Variants in SPAG16 observed in about 807,000 individuals in gnomAD.
SPAG16 encodes the protein sperm-associated antigen 16 protein.
A neutral mutation model predicts 80.4 loss-of-function variants in SPAG16; 86 were observed. That is an observed-to-expected ratio of 1.07 (90% CI 0.90 to 1.28). SPAG16 has a LOEUF of 1.28. Among genes scored for constraint, SPAG16 ranks in the 50% most tolerant of loss-of-function variants. The pLI is 0.00. For missense variants in SPAG16, 870 were observed against 765.3 expected (o/e 1.14, Z -1.61); for synonymous variants, 294 against 265.9 (o/e 1.11, Z -1.03).
chr2:214,156,446 T>G (rs1326501193), intron 15 of SPAG16, among the ~76,000 whole-genome samples: 1 of 152,164 alleles, frequency 6.6e-6, no homozygotes, highest in African/African-American at 2.4e-5. Flanking sequence ...AGGCCTGGTC[T>G]GCTTAAAAAT....
intron 10 of SPAG16, among the ~76,000 whole-genome samples, chr2:213,492,442 C>T (rs974204904): frequency 5.9e-5 from 9 of 151,592 alleles, no homozygotes; most frequent in Non-Finnish European, 8.8e-5. Context: ...CCCAGCTACT[C>T]GGGAGGCTGA....
intron 12 of SPAG16, among the ~76,000 whole-genome samples, chr2:213,980,725 T>TATATATATATATATATATAGAGAG (rs374274176): frequency 1.5e-4 from 16 of 103,988 alleles, no homozygotes; most frequent in African/African-American, 2.0e-4. Context: ...TATATATATA[T>TATATATATATATATATATAGAGAG]AGAGAGAGAG....
Position 213,783,321 on chromosome 2 carries a change from A to T in SPAG16, c.1071-79164A>T, listed in dbSNP as rs908336702. ...ACCCTAAAACTTAGAGTATAATAAA[A>T]AAAAAAAAAAAAATCTTAATGACTT... is the stretch of plus-strand genomic sequence containing the variant. On this transcript the variant is annotated intron_variant, in intron 10 of 15. Coordinates refer to ENST00000331683, the MANE Select transcript of SPAG16 (RefSeq NM_024532.5). 3.5e-4 allele frequency among the ~76,000 whole-genome samples: 45 copies of T among 127,122 alleles called. 1 individual carries two copies. Among genetic ancestry groups the T allele is most frequent in the African/African-American group, 9.3e-4 (25 of 27,016 alleles). The allele number at this position is 127,122 out of a possible 152,430, so 83.4% of individuals were successfully genotyped here. A position where few individuals can be genotyped will look rare whatever the true frequency, so the allele number is the denominator to read the frequency against.
chr2:213,955,143 C>T (rs80322943), intron 12 of SPAG16, among the ~76,000 whole-genome samples: 24,638 of 151,926 alleles, frequency 0.16, 2,260 homozygotes, highest in Non-Finnish European at 0.21. Flanking sequence ...GCACAAATGC[C>T]TTTAATTTTG....
At chr2:213,595,910 T>TTCA (rs2124946742) in intron 10 of SPAG16, among the ~76,000 whole-genome samples, 1 of 152,212 alleles carries the variant, frequency 6.6e-6, no homozygotes, top group Admixed American at 6.5e-5. Flanking sequence ...TAAAATGTAC[T>TTCA]TTGATCACCA....
chr2:213,508,295 G>A (rs1217074611), intron 10 of SPAG16, among the ~76,000 whole-genome samples: 2 of 152,212 alleles, frequency 1.3e-5, no homozygotes, highest in Non-Finnish European at 2.9e-5. Context: ...GAGTTCGGCT[G>A]GGCGCGGTGG....
At chr2:214,126,675 ACT>A (rs2054513292) in intron 14 of SPAG16, among the ~76,000 whole-genome samples, 1 of 151,814 alleles carries the variant, frequency 6.6e-6, no homozygotes, top group African/African-American at 2.4e-5. Flanking sequence ...ACTTTAAAAG[ACT>A]CTTGCCAAAT....
chr2:213,982,208 A>G, intron 12 of SPAG16, among the ~76,000 whole-genome samples: 1 of 152,078 alleles, frequency 6.6e-6, no homozygotes. Context: ...AAATTATTTT[A>G]CAACAGTAAT....
chr2:213,818,569 T>C (rs1337960080), intron 10 of SPAG16, among the ~76,000 whole-genome samples: 3 of 152,236 alleles, frequency 2.0e-5, no homozygotes, highest in Non-Finnish European at 2.9e-5. Flanking sequence ...ACTCATCTAT[T>C]GTTGGTTCAT....
chr2:213,973,096 T>C (rs2045168494), intron 12 of SPAG16, among the ~76,000 whole-genome samples: 1 of 152,234 alleles, frequency 6.6e-6, no homozygotes, highest in Admixed American at 6.5e-5. Flanking sequence ...CTTTACTTCC[T>C]ACTTGTGCTG....
chr2:214,087,601 G>A (rs12185594), intron 13 of SPAG16, among the ~76,000 whole-genome samples: 54,396 of 151,850 alleles, frequency 0.36, 10,352 homozygotes, highest in Non-Finnish European at 0.42. Flanking sequence ...ATGTATGTTG[G>A]GAATTATAGG....
chr2:214,273,397 T>TTTTC (rs1340166000), intron 15 of SPAG16, among the ~76,000 whole-genome samples: 1 of 152,118 alleles, frequency 6.6e-6, no homozygotes, highest in African/African-American at 2.4e-5. Flanking sequence ...ATTGCCTAGG[T>TTTTC]TTTCTTCTAG....
intron 11 of SPAG16, among the ~76,000 whole-genome samples, chr2:213,912,889 AC>A (rs1277198462): frequency 1.7e-4 from 26 of 152,174 alleles, no homozygotes; most frequent in Non-Finnish European, 5.9e-5. Context: ...TCATTTGTTC[AC>A]AATAGACTTC....
intron 14 of SPAG16, among the ~76,000 whole-genome samples, chr2:214,120,279 T>C (rs942691008): frequency 1.3e-5 from 2 of 151,880 alleles, no homozygotes; most frequent in Non-Finnish European, 2.9e-5. Flanking sequence ...CAATCTTTCT[T>C]TAGCTGAATC....
At chr2:214,288,368 T>C (rs1693526148) in intron 15 of SPAG16, among the ~76,000 whole-genome samples, 1 of 152,248 alleles carries the variant, frequency 6.6e-6, no homozygotes, top group African/African-American at 2.4e-5. Flanking sequence ...CTATTGTGAA[T>C]AGTGCCGCAA....
At chr2:213,691,783 C>A (rs2064952515) in intron 10 of SPAG16, among the ~76,000 whole-genome samples, 1 of 152,056 alleles carries the variant, frequency 6.6e-6, no homozygotes, top group Non-Finnish European at 1.5e-5. Flanking sequence ...GTTGTCCCCA[C>A]CAGATTGAAA....
chr2:213,759,789 C>T (rs548021312), intron 10 of SPAG16, among the ~76,000 whole-genome samples: 9 of 152,288 alleles, frequency 5.9e-5, no homozygotes, highest in African/African-American at 2.2e-4. Flanking sequence ...GCAATCCCTG[C>T]GCTTTGGGAG....
intron 10 of SPAG16, among the ~76,000 whole-genome samples, chr2:213,709,357 AT>A (rs1306240501): frequency 6.6e-6 from 1 of 152,224 alleles, no homozygotes; most frequent in Non-Finnish European, 1.5e-5. Flanking sequence ...GGGACAAGAC[AT>A]TCCCTTCGAG....
chr2:213,823,244 AG>A (rs1321629955), intron 10 of SPAG16, among the ~76,000 whole-genome samples: 1 of 152,282 alleles, frequency 6.6e-6, no homozygotes, highest in East Asian at 1.9e-4. Flanking sequence ...TATTGTTTCC[AG>A]ACTTGTTAAT....
Sources: gnomAD v4.1 joint callset for allele counts (sites outside exome capture counted in the v4.1 genomes callset) on GRCh38, gnomAD v4.1.1 for gene constraint, MANE v1.5 for transcripts, NCBI Gene and HGNC (gene_info 2026-07-23, HGNC 2026-07-21) for gene names.